ANKRD62: variants seen among roughly 807,000 people sequenced by gnomAD.
ANKRD62 encodes ankyrin repeat domain 62, also known as ankyrin repeat domain-containing protein 62.
ANKRD62 carries 61 observed loss-of-function variants against 98.8 expected under a neutral mutation model. The observed-to-expected ratio is 0.62, with a 90% confidence interval of 0.50 to 0.76. The LOEUF (loss-of-function observed/expected upper bound fraction) is 0.76. Ranked by LOEUF, ANKRD62 falls within the 30% of genes least tolerant of loss-of-function variation. ANKRD62 has a pLI of 0.00. For synonymous variants in ANKRD62, 341 were observed against 367.9 expected, an observed-to-expected ratio of 0.93 and a Z score of 0.84; for missense variants, 933 against 1,082.9, an observed-to-expected ratio of 0.86 and a Z score of 1.94.
intron 6 of ANKRD62, chr18:12,101,930 G>A: frequency 2.5e-6 from 2 of 797,774 alleles, no homozygotes; most frequent in Non-Finnish European, 4.5e-6. Context: ...GAGTTGAATG[G>A]CATGACAAAG....
chr18:12,099,620 G>T lies in ANKRD62; in HGVS notation c.758G>T (p.Arg253Leu). The T allele has an allele frequency of 6.8e-7, 1 of 1,479,606 alleles. No homozygotes were observed. Among genetic ancestry groups the T allele is most frequent in the Non-Finnish European group, 9.0e-7 (1 of 1,116,298 alleles). 91.7% of individuals were successfully genotyped at this position (1,479,606 alleles called of 1,614,324 possible). A position where few individuals can be genotyped will look rare whatever the true frequency, so the allele number is the denominator to read the frequency against. The stretch of plus-strand genomic sequence containing the variant: ...TACTGCATTTTGATACATAGCATTC[G>T]TGGAATGATTTCTGAATATAAAGCA... ...YAVASKFQAI[R>L]GMISEYKANK... is the part of the protein sequence containing the mutation. The change falls in exon 6 of 14, where the codon CGT becomes CTT. Residue 253 changes from arginine (R) to leucine (L), a missense_variant. Transcript: ENST00000587848.
the ANKRD62 span, among the ~76,000 whole-genome samples, chr18:12,155,282 A>G: frequency 6.6e-6 from 1 of 152,242 alleles, no homozygotes; most frequent in Non-Finnish European, 1.5e-5. Context: ...AGAATTTAAT[A>G]TGAGTAAATG....
At chr18:12,107,754 A>G (rs979288884) in intron 8 of ANKRD62, among the ~76,000 whole-genome samples, 1 of 152,200 alleles carries the variant, frequency 6.6e-6, no homozygotes, top group Non-Finnish European at 1.5e-5. Context: ...GTTCAGTAGC[A>G]TGCATCACAA....
At chr18:12,113,153 C>T (rs1473218729) in intron 8 of ANKRD62, among the ~76,000 whole-genome samples, 2 of 152,088 alleles carry the variant, frequency 1.3e-5, no homozygotes, top group East Asian at 3.9e-4. Flanking sequence ...CCTTGGCCTC[C>T]CAAAGTGCTG....
the ANKRD62 span, among the ~76,000 whole-genome samples, chr18:12,152,203 TGAG>T: frequency 2.8e-5 from 3 of 107,174 alleles, no homozygotes; most frequent in Non-Finnish European, 3.8e-5. Flanking sequence ...AAAAAAAAAC[TGAG>T]GAGGAGGGAC....
chr18:12,156,411 A>G, the ANKRD62 span, among the ~76,000 whole-genome samples: 4 of 152,020 alleles, frequency 2.6e-5, no homozygotes, highest in Non-Finnish European at 1.5e-5. Flanking sequence ...GTAGATCCTC[A>G]TATTCTTCAT....
In ANKRD62 at chr18:12,128,044, T is replaced by C. The variant is rs1055718862; in HGVS notation, c.*105T>C. On this transcript the variant is annotated 3_prime_UTR_variant, in exon 14 of 14. Transcript: ENST00000587848. ...TATTAAAATTTGATTATCTTTATAA[T>C]ACATCCATTTCTCAATCTCTGCCAT... 1 of 626,664 alleles carries C rather than the reference T, an allele frequency of 1.6e-6. No individual in the cohort carries two copies. Among genetic ancestry groups the C allele is most frequent in the Non-Finnish European group, 2.3e-6 (1 of 436,554 alleles). 38.8% of individuals were successfully genotyped at this position (626,664 alleles called of 1,614,324 possible).
At chr18:12,105,523 A>T (rs1055766687) in intron 7 of ANKRD62, among the ~76,000 whole-genome samples, 52 of 152,172 alleles carry the variant, frequency 3.4e-4, no homozygotes, top group African/African-American at 1.2e-3. Flanking sequence ...GGTCTGGAAG[A>T]TGGTCACTCT....
At chr18:12,164,050 T>G in the ANKRD62 span, among the ~76,000 whole-genome samples, 4 of 152,040 alleles carry the variant, frequency 2.6e-5, no homozygotes, top group Non-Finnish European at 5.9e-5. Context: ...TATTCCCTCC[T>G]CTATTATTTG....
chr18:12,177,249 T>TTGAAACAGTGAG, the ANKRD62 span, among the ~76,000 whole-genome samples: 1 of 152,106 alleles, frequency 6.6e-6, no homozygotes, highest in Non-Finnish European at 1.5e-5. Flanking sequence ...AGAGTAAAGT[T>TTGAAACAGTGAG]TGAAACAGTG....
chr18:12,174,850 G>A, the ANKRD62 span, among the ~76,000 whole-genome samples: 336 of 150,486 alleles, frequency 2.2e-3, no homozygotes, highest in African/African-American at 7.7e-3. Flanking sequence ...GGCTCCTTGA[G>A]GTTAAGAATT....
chr18:12,102,422 C>T (rs1255098798), intron 6 of ANKRD62: 2 of 506,864 alleles, frequency 3.9e-6, no homozygotes, highest in Non-Finnish European at 3.7e-6. Flanking sequence ...CAACAGAGCT[C>T]AGCCTCCTTG....
At position 12,118,341 on chromosome 18, in the gene ANKRD62, C is replaced by G. The variant is rs185111707; in HGVS notation, c.1240+2807C>G. The stretch of plus-strand genomic sequence containing the variant: ...AGCCTTTTTAGGCCGGGCACGGTGG[C>G]TCACGCCTGTAATCCCAGCACTTTT... On this transcript the variant is annotated intron_variant, in intron 10 of 13. Transcript: ENST00000587848. Among the ~76,000 whole-genome samples, 53 of 152,282 alleles carry G rather than the reference C, an allele frequency of 3.5e-4. No individual in the cohort carries two copies. In the East Asian group the frequency reaches 9.6e-3, roughly 28 times the overall value.
At chr18:12,140,509 G>A in the ANKRD62 span, among the ~76,000 whole-genome samples, 5 of 152,140 alleles carry the variant, frequency 3.3e-5, no homozygotes, top group African/African-American at 7.2e-5. Context: ...CGATGGTGAC[G>A]TACAGATGGG....
chr18:12,178,346 C>G, the ANKRD62 span, among the ~76,000 whole-genome samples: 1 of 148,618 alleles, frequency 6.7e-6, no homozygotes, highest in Non-Finnish European at 1.5e-5. Context: ...AGTGAAAAGT[C>G]TGCAGAGGGC....
rs1360922121 is a variant in ANKRD62, at chr18:12,095,440, G to C, written c.337G>C (p.Val113Leu). ...TTTCTTGGTCTAATACTGACAGGCT[G>C]TACAATGTCAAGAAGAAGTTTGTGC... ...SENRTALIKA[V>L]QCQEEVCASI... is the part of the protein sequence containing the mutation. The change falls in exon 3 of 14, where the codon GTA becomes CTA. Residue 113 changes from valine to leucine, a missense_variant. This residue lies in a region of ANKRD62 where 549 missense variants were observed against 587.9 expected (regional missense o/e 0.93). Coordinates refer to ENST00000587848, the MANE Select transcript of ANKRD62 (RefSeq NM_001277333.2). The C allele has an allele frequency of 6.4e-7, 1 of 1,570,140 alleles. No individual in the cohort carries two copies.
At chr18:12,164,432 C>T in the ANKRD62 span, among the ~76,000 whole-genome samples, 4 of 151,384 alleles carry the variant, frequency 2.6e-5, no homozygotes, top group African/African-American at 9.7e-5. Flanking sequence ...TTTTGTTTAT[C>T]CTTTCAGAAA....
chr18:12,174,368 A>T, the ANKRD62 span, among the ~76,000 whole-genome samples: 1 of 152,132 alleles, frequency 6.6e-6, no homozygotes, highest in Non-Finnish European at 1.5e-5. Context: ...ATTCTTTTCT[A>T]TACTGACTAT....
At position 12,097,669 on chromosome 18, in the gene ANKRD62, G is replaced by C. The variant is rs778155109; in HGVS notation, c.644G>C (p.Gly215Ala). The C allele has an allele frequency of 6.5e-7, 1 of 1,535,596 alleles. No homozygotes were observed. The highest frequency in any genetic ancestry group is 8.7e-7 in the Non-Finnish European group (1 of 1,146,544). Residue 215 changes from glycine to alanine, a missense_variant, in exon 5 of 14, where the codon GGA becomes GCA. Physicochemically the swap from Gly to Ala is moderately conservative, Grantham distance 60. Transcript: ENST00000587848. ...RTALILAARN[G>A]STSVVYQLLQ... is the part of the protein sequence containing the mutation. ...GCCCTGATACTTGCTGCTCGTAATGGATCAACAAGTGTAGTCTACCAGCTT... is the reference window on the plus strand; with the variant it reads ...GCCCTGATACTTGCTGCTCGTAATGCATCAACAAGTGTAGTCTACCAGCTT...
Sources: gnomAD v4.1 joint callset for allele counts (sites outside exome capture counted in the v4.1 genomes callset) on GRCh38, gnomAD v4.1.1 for gene constraint, gnomAD v4.1.1 regional missense constraint, MANE v1.5 for transcripts, NCBI Gene and HGNC (gene_info 2026-07-23, HGNC 2026-07-21) for gene names.